ZBBX: variants seen among roughly 807,000 people sequenced by gnomAD.
ZBBX encodes the protein zinc finger B-box domain containing.
ZBBX carries 101 observed loss-of-function variants against 108.5 expected under a neutral mutation model. The ratio of observed to expected loss-of-function variants is 0.93; its 90% confidence interval spans 0.79 to 1.10. The LOEUF (loss-of-function observed/expected upper bound fraction) is 1.10. ZBBX is among the 50% of genes least tolerant of loss of function. The pLI is 0.00. For missense variants in ZBBX, 1,009 were observed against 941.4 expected, an observed-to-expected ratio of 1.07 and a Z score of -0.94; for synonymous variants, 356 against 323.4, an observed-to-expected ratio of 1.10 and a Z score of -1.08.
chr3:167,268,983 C>A (rs1726066996), intron 20 of ZBBX, among the ~76,000 whole-genome samples: 1 of 152,108 alleles, frequency 6.6e-6, no homozygotes, highest in Non-Finnish European at 1.5e-5. Flanking sequence ...GTTGCAAAGT[C>A]CTGGAGCTGG....
chr3:167,334,304 G>A (rs1739183479), intron 9 of ZBBX, among the ~76,000 whole-genome samples: 1 of 152,114 alleles, frequency 6.6e-6, no homozygotes, highest in South Asian at 2.1e-4. Context: ...CGGGCGTGGT[G>A]GCTCGCTCCT....
At chr3:167,197,496 C>T in the ZBBX span, among the ~76,000 whole-genome samples, 1 of 151,962 alleles carries the variant, frequency 6.6e-6, no homozygotes. Flanking sequence ...CGAGATTGCA[C>T]CACCACATTC....
chr3:167,382,575 C>T (rs1747788319), upstream of ZBBX, among the ~76,000 whole-genome samples: 1 of 152,082 alleles, frequency 6.6e-6, no homozygotes. Context: ...ATTAAGAGCA[C>T]AGATTTACAT....
the ZBBX span, among the ~76,000 whole-genome samples, chr3:167,187,656 C>T: frequency 7.9e-5 from 12 of 152,132 alleles, no homozygotes; most frequent in Non-Finnish European, 5.9e-5. Context: ...ATGCAACATT[C>T]GGCAGCTCCA....
At chr3:167,313,446 T>C (rs553723488) in intron 16 of ZBBX, among the ~76,000 whole-genome samples, 2 of 152,080 alleles carry the variant, frequency 1.3e-5, no homozygotes, top group South Asian at 2.1e-4. Flanking sequence ...AGGCTAATTT[T>C]TTTTATTTTT....
chr3:167,234,547 G>A, the ZBBX span, among the ~76,000 whole-genome samples: 1 of 151,856 alleles, frequency 6.6e-6, no homozygotes, highest in South Asian at 2.1e-4. Flanking sequence ...GATTATATAA[G>A]AAACTGGGTG....
At chr3:167,195,293 T>TATCACTA in the ZBBX span, among the ~76,000 whole-genome samples, 1 of 152,194 alleles carries the variant, frequency 6.6e-6, no homozygotes, top group African/African-American at 2.4e-5. Flanking sequence ...AGAGTTAATT[T>TATCACTA]ATCACTAACT....
At chr3:167,263,457 T>C (rs1306578523) in intron 20 of ZBBX, among the ~76,000 whole-genome samples, 1 of 152,240 alleles carries the variant, frequency 6.6e-6, no homozygotes, top group Non-Finnish European at 1.5e-5. Flanking sequence ...AATTTTTCCA[T>C]TTCCTTCTTA....
chr3:167,300,601 C>G (rs961698196), intron 17 of ZBBX, among the ~76,000 whole-genome samples: 3 of 150,208 alleles, frequency 2.0e-5, no homozygotes, highest in African/African-American at 5.0e-5. Context: ...CCATCTCCCC[C>G]ACCAACCCTT....
At chr3:167,208,401 A>T in the ZBBX span, among the ~76,000 whole-genome samples, 3 of 152,170 alleles carry the variant, frequency 2.0e-5, no homozygotes, top group Non-Finnish European at 4.4e-5. Context: ...TCCAGAAAAG[A>T]GTCCTTCCCT....
the ZBBX span, among the ~76,000 whole-genome samples, chr3:167,204,205 T>TC: frequency 6.7e-6 from 1 of 148,942 alleles, no homozygotes; most frequent in African/African-American, 2.5e-5. Flanking sequence ...TTTCTTTTTT[T>TC]TTTTTTTAAT....
At chr3:167,369,374 A>G (rs1447464305) in intron 4 of ZBBX, among the ~76,000 whole-genome samples, 2 of 152,338 alleles carry the variant, frequency 1.3e-5, no homozygotes, top group East Asian at 3.9e-4. Context: ...ATCAAGGCAT[A>G]ATAAAGTTCA....
At chr3:167,401,044 C>T (rs1405540103) in intron 1 of ZBBX, among the ~76,000 whole-genome samples, 3 of 152,108 alleles carry the variant, frequency 2.0e-5, no homozygotes, top group African/African-American at 7.2e-5. Flanking sequence ...ACACAATCTA[C>T]CACTATTTAT....
At chr3:167,256,960 C>T (rs1374971938) in intron 20 of ZBBX, among the ~76,000 whole-genome samples, 31 of 152,104 alleles carry the variant, frequency 2.0e-4, no homozygotes, top group Non-Finnish European at 1.5e-5. Flanking sequence ...CTTCAATATA[C>T]TGATTTCCTT....
chr3:167,301,952 G>GT (rs1732757604), intron 17 of ZBBX, among the ~76,000 whole-genome samples: 2 of 80,746 alleles, frequency 2.5e-5, no homozygotes, highest in African/African-American at 5.4e-5. Context: ...GCAAGACTCC[G>GT]TTAAAAAAAA....
intron 9 of ZBBX, among the ~76,000 whole-genome samples, chr3:167,340,486 CT>C (rs1213025569): frequency 6.6e-6 from 1 of 152,016 alleles, no homozygotes. Context: ...AGCATTATCT[CT>C]CAATTTTTTT....
downstream of ZBBX, among the ~76,000 whole-genome samples, chr3:167,237,305 G>A (rs566303085): frequency 6.6e-6 from 1 of 151,902 alleles, no homozygotes; most frequent in African/African-American, 2.4e-5. Context: ...TAATTTGTCT[G>A]CAGCATGTGC....
chr3:167,257,239 T>C (rs1723683291), intron 20 of ZBBX, among the ~76,000 whole-genome samples: 1 of 152,206 alleles, frequency 6.6e-6, no homozygotes, highest in Admixed American at 6.5e-5. Context: ...ATAGTAATGC[T>C]AGTGATTTTT....
In ZBBX at chr3:167,328,052, C is replaced by T. The variant is rs749688612; in HGVS notation, c.752G>A (p.Gly251Glu). The change falls in exon 11 of 22, where the codon GGG (glycine) becomes GAG (glutamate). Residue 251 changes from glycine to glutamate, a missense_variant. Gly to Glu is a moderately conservative substitution (Grantham distance 98, BLOSUM62 -2). Coordinates refer to ENST00000675490, the MANE Select transcript of ZBBX (RefSeq NM_001199201.2). ...TGCAGAAGCTTCTTCATCGAATGAC[C>T]CTTCACACAACAGACTCTTTCTTGG... ...TKPRKSLLCE[G>E]SFDEEASAQS... The T allele has an allele frequency of 2.1e-5, 34 of 1,613,766 alleles. No homozygotes were observed. The South Asian group carries it at 3.6e-4, about 17-fold the overall frequency.
Sources: gnomAD v4.1 joint callset for allele counts (sites outside exome capture counted in the v4.1 genomes callset) on GRCh38, gnomAD v4.1.1 for gene constraint, MANE v1.5 for transcripts, NCBI Gene and HGNC (gene_info 2026-07-23, HGNC 2026-07-21) for gene names.